FOXP1: variants seen among roughly 807,000 people sequenced by gnomAD.
FOXP1 encodes forkhead box P1.
Under a neutral mutation model 98.2 loss-of-function variants are expected in FOXP1, and 15 were observed. The observed-to-expected ratio is 0.15, with a 90% CI of 0.10 to 0.24. FOXP1 has a LOEUF of 0.24. Among genes scored for constraint, FOXP1 ranks in the 10% least tolerant of loss-of-function variants. The pLI, the probability that FOXP1 is intolerant of heterozygous loss-of-function variation, is 1.00. For missense variants in FOXP1, 633 were observed against 848.5 expected, an observed-to-expected ratio of 0.75 and a Z score of 3.15; for synonymous variants, 371 against 314.5, an observed-to-expected ratio of 1.18 and a Z score of -1.90.
chr3:71,150,939 T>C (rs1435262993), intron 6 of FOXP1, among the ~76,000 whole-genome samples: 1 of 152,160 alleles, frequency 6.6e-6, no homozygotes, highest in East Asian at 1.9e-4. Context: ...TCCTAGATTG[T>C]AAGATATTTG....
At chr3:71,522,302 T>C (rs1282283339) in intron 2 of FOXP1, among the ~76,000 whole-genome samples, 1 of 152,138 alleles carries the variant, frequency 6.6e-6, no homozygotes, top group East Asian at 1.9e-4. Flanking sequence ...TAAACTCTAC[T>C]CTGCTTAAAA....
chr3:70,972,338 A>G (rs2036444362), intron 18 of FOXP1: 2 of 867,874 alleles, frequency 2.3e-6, no homozygotes, highest in Non-Finnish European at 3.6e-6. Flanking sequence ...TGCCACCTAA[A>G]AGCTACTAGC....
At chr3:71,013,330 G>A (rs1042761540) in intron 12 of FOXP1, among the ~76,000 whole-genome samples, 2 of 152,118 alleles carry the variant, frequency 1.3e-5, no homozygotes, top group Admixed American at 6.6e-5. Flanking sequence ...AACAAAGAAT[G>A]GGTCCAATCA....
chr3:71,268,421 G>C (rs1415739095), intron 5 of FOXP1, among the ~76,000 whole-genome samples: 2 of 152,080 alleles, frequency 1.3e-5, no homozygotes, highest in African/African-American at 2.4e-5. Flanking sequence ...CAGAAGACTG[G>C]GAAAGTTGGG....
At chr3:70,968,318 C>A (rs538507929) in intron 19 of FOXP1, 1 of 151,862 alleles carries the variant, frequency 6.6e-6, no homozygotes, top group African/African-American at 2.4e-5. Context: ...AGCAACCCAC[C>A]CAAGGTTAGA....
chr3:71,121,948 G>A (rs1312070671), intron 6 of FOXP1, among the ~76,000 whole-genome samples: 1 of 150,456 alleles, frequency 6.6e-6, no homozygotes, highest in Non-Finnish European at 1.5e-5. Context: ...TTAACCCACT[G>A]TTTTTTGCAA....
At chr3:71,452,008 T>C (rs904133021) in intron 3 of FOXP1, among the ~76,000 whole-genome samples, 1 of 152,204 alleles carries the variant, frequency 6.6e-6, no homozygotes, top group East Asian at 1.9e-4. Context: ...CTCTCATTTA[T>C]GAAGACATGC....
chr3:71,333,992 T>G (rs1208540575), intron 4 of FOXP1: 1 of 150,756 alleles, frequency 6.6e-6, no homozygotes, highest in Non-Finnish European at 1.5e-5. Context: ...AAATAACGCT[T>G]TAAAAAAAAC....
intron 5 of FOXP1, among the ~76,000 whole-genome samples, chr3:71,232,608 T>C (rs1274038656): frequency 2.0e-5 from 3 of 151,000 alleles, no homozygotes; most frequent in Non-Finnish European, 4.4e-5. Flanking sequence ...AAAAAGAAGA[T>C]AGGGTCAGGG....
chr3:71,033,602 C>CAAAAAA (rs35470748), intron 11 of FOXP1, among the ~76,000 whole-genome samples: 2 of 70,672 alleles, frequency 2.8e-5, no homozygotes, highest in Non-Finnish European at 7.2e-5. Context: ...AGTGAACAGT[C>CAAAAAA]AAAAAAAAAA....
chr3:71,194,423 T>C (rs2063181899), intron 6 of FOXP1, among the ~76,000 whole-genome samples: 1 of 152,196 alleles, frequency 6.6e-6, no homozygotes, highest in African/African-American at 2.4e-5. Context: ...ATGCTGTATA[T>C]GGAGAAACTT....
intron 15 of FOXP1, 30 bp from the exon 16 acceptor site, chr3:70,977,752 T>C (rs370785370): frequency 3.1e-6 from 5 of 1,612,768 alleles, no homozygotes; most frequent in Non-Finnish European, 4.2e-6. Flanking sequence ...CTATTAATTA[T>C]CACTTTTTCA....
chr3:71,397,075 C>CATATATATGTGTATATATATATACATAT (rs1577300301), intron 3 of FOXP1, among the ~76,000 whole-genome samples: 1 of 38,492 alleles, frequency 2.6e-5, no homozygotes, highest in East Asian at 6.8e-4. Context: ...TATATATATA[C>CATATATATGTGTATATATATATACATAT]ATATATATGT....
chr3:71,174,627 T>C (rs2061823737), intron 6 of FOXP1, among the ~76,000 whole-genome samples: 1 of 152,142 alleles, frequency 6.6e-6, no homozygotes, highest in Non-Finnish European at 1.5e-5. Flanking sequence ...GGGGTATCCA[T>C]GCAAAAGTTA....
At chr3:71,391,715 A>T (rs1278092108) in intron 3 of FOXP1, among the ~76,000 whole-genome samples, 1 of 152,228 alleles carries the variant, frequency 6.6e-6, no homozygotes, top group Non-Finnish European at 1.5e-5. Context: ...GAAAAATTCA[A>T]CATTTTCCTT....
intron 5 of FOXP1, among the ~76,000 whole-genome samples, chr3:71,220,905 T>C (rs1576444434): frequency 7.1e-6 from 1 of 141,578 alleles, no homozygotes; most frequent in East Asian, 2.1e-4. Flanking sequence ...CTTTGTGAGG[T>C]ACATATTAAT....
At position 71,327,946 on chromosome 3, in the gene FOXP1, C is replaced by T. The variant is rs190383937; in HGVS notation, c.-72-28066G>A. ...CAGTAATGTTCTCCCAGGGTATTCCCCCAACCTCTCTACACATGACAGTAG... is the reference window on the plus strand; with the variant it reads ...CAGTAATGTTCTCCCAGGGTATTCCTCCAACCTCTCTACACATGACAGTAG... On this transcript the variant is annotated intron_variant, in intron 4 of 20. Transcript: ENST00000649528. 4.3e-3 allele frequency among the ~76,000 whole-genome samples: 656 copies of T among 152,252 alleles called. 1 individual carries two copies. Among genetic ancestry groups the T allele is most frequent in the Non-Finnish European group, 7.2e-3 (492 of 68,010 alleles).
intron 7 of FOXP1, among the ~76,000 whole-genome samples, chr3:71,102,591 C>T (rs1358902152): frequency 2.6e-5 from 4 of 152,182 alleles, no homozygotes; most frequent in African/African-American, 9.7e-5. Flanking sequence ...TTGAGTAATA[C>T]CCGTCTTTCT....
chr3:71,288,707 C>T (rs1377560493), intron 5 of FOXP1, among the ~76,000 whole-genome samples: 2 of 152,156 alleles, frequency 1.3e-5, no homozygotes, highest in East Asian at 3.8e-4. Context: ...TTTTTCACTG[C>T]TCACAGGTTG....
Sources: gnomAD v4.1 joint callset for allele counts (sites outside exome capture counted in the v4.1 genomes callset) on GRCh38, gnomAD v4.1.1 for gene constraint, MANE v1.5 for transcripts, NCBI Gene and HGNC (gene_info 2026-07-23, HGNC 2026-07-21) for gene names.